HPSE2: variants seen among roughly 807,000 people sequenced by gnomAD.
The protein encoded by HPSE2 is inactive heparanase-2.
HPSE2 carries 38 observed loss-of-function variants against 60.5 expected under a neutral mutation model. The observed-to-expected ratio is 0.63, with a 90% CI of 0.48 to 0.82. The LOEUF is 0.82. Ranked by LOEUF, HPSE2 falls within the 40% of genes least tolerant of loss-of-function variation. HPSE2 has a pLI of 0.00. For synonymous variants in HPSE2, 295 were observed against 293.2 expected (o/e 1.01, Z -0.06); for missense variants, 713 against 740.4 (o/e 0.96, Z 0.43).
At chr10:98,964,585 C>T (rs904133916) in intron 3 of HPSE2, among the ~76,000 whole-genome samples, 14 of 152,054 alleles carry the variant, frequency 9.2e-5, no homozygotes, top group African/African-American at 3.4e-4. Flanking sequence ...CAAGTACCTC[C>T]TCCCACTCCT....
At chr10:98,656,792 G>A (rs914074065) in intron 6 of HPSE2, among the ~76,000 whole-genome samples, 21 of 140,538 alleles carry the variant, frequency 1.5e-4, no homozygotes, top group African/African-American at 4.0e-4. Flanking sequence ...ATGGAGTTTC[G>A]CTCCTGTTGC....
chr10:99,244,492 T>C, the HPSE2 span, among the ~76,000 whole-genome samples: 1 of 149,456 alleles, frequency 6.7e-6, no homozygotes, highest in Non-Finnish European at 1.5e-5. Flanking sequence ...CTGCAGTCTC[T>C]ACTTCCTAAA....
intron 3 of HPSE2, among the ~76,000 whole-genome samples, chr10:99,073,303 G>A (rs529211412): frequency 1.3e-5 from 2 of 152,242 alleles, no homozygotes; most frequent in East Asian, 3.9e-4. Flanking sequence ...CCATAAAAAG[G>A]AACAAGATCA....
chr10:98,789,571 G>T (rs1950612095), intron 3 of HPSE2, among the ~76,000 whole-genome samples: 1 of 152,182 alleles, frequency 6.6e-6, no homozygotes, highest in African/African-American at 2.4e-5. Context: ...CAAATAGTTG[G>T]ACCTTTATAG....
At chr10:99,204,794 A>G (rs1011432806) in intron 2 of HPSE2, among the ~76,000 whole-genome samples, 1 of 152,262 alleles carries the variant, frequency 6.6e-6, no homozygotes, top group Non-Finnish European at 1.5e-5. Context: ...GAAATATTTA[A>G]AAAAAGAAAA....
the HPSE2 span, among the ~76,000 whole-genome samples, chr10:99,246,721 T>C: frequency 6.8e-6 from 1 of 147,180 alleles, no homozygotes; most frequent in African/African-American, 2.5e-5. Flanking sequence ...CACTCCAGCC[T>C]GGCAACAGAG....
At chr10:99,119,489 T>A (rs1022381774) in intron 3 of HPSE2, among the ~76,000 whole-genome samples, 1 of 152,168 alleles carries the variant, frequency 6.6e-6, no homozygotes, top group Non-Finnish European at 1.5e-5. Flanking sequence ...ACAGGAAGAA[T>A]CAATTTTGTT....
chr10:98,805,560 A>G (rs1446127177), intron 3 of HPSE2, among the ~76,000 whole-genome samples: 1 of 152,168 alleles, frequency 6.6e-6, no homozygotes, highest in Non-Finnish European at 1.5e-5. Flanking sequence ...CCACAAAAAT[A>G]AAAAGATTAA....
upstream of HPSE2, among the ~76,000 whole-genome samples, chr10:99,239,327 G>A (rs17094130): frequency 0.5 from 74,998 of 151,078 alleles, 21,707 homozygotes; most frequent in Non-Finnish European, 0.64. Flanking sequence ...GTAAGAAAAC[G>A]TGAAGATTAA....
intron 3 of HPSE2, among the ~76,000 whole-genome samples, chr10:99,109,524 G>A (rs997174551): frequency 7.2e-5 from 11 of 152,048 alleles, no homozygotes; most frequent in African/African-American, 2.4e-4. Context: ...GGTCAACTCC[G>A]AGAAAGGAAT....
chr10:98,674,131 A>C (rs2134118803), intron 6 of HPSE2, among the ~76,000 whole-genome samples: 1 of 152,324 alleles, frequency 6.6e-6, no homozygotes, highest in African/African-American at 2.4e-5. Context: ...AGAAGCTACA[A>C]CAATATTTGG....
chr10:98,694,017 T>TA (rs2134170647), intron 5 of HPSE2, 70 bp from the exon 6 acceptor site: 1 of 1,233,858 alleles, frequency 8.1e-7, no homozygotes, highest in South Asian at 1.2e-5. Flanking sequence ...CAAAAGGAAA[T>TA]AAACTGAGAC....
chr10:99,292,745 A>T, the HPSE2 span, among the ~76,000 whole-genome samples: 4 of 152,166 alleles, frequency 2.6e-5, no homozygotes, highest in African/African-American at 9.7e-5. Flanking sequence ...TACATTTTAC[A>T]TTCTTTTTTT....
At chr10:98,643,072 C>T (rs1946678784) in intron 6 of HPSE2, among the ~76,000 whole-genome samples, 1 of 152,190 alleles carries the variant, frequency 6.6e-6, no homozygotes, top group African/African-American at 2.4e-5. Flanking sequence ...CTCAGCTTTC[C>T]TTTTGGCCTC....
chr10:98,718,527 A>G (rs1308948267), intron 5 of HPSE2, among the ~76,000 whole-genome samples: 1 of 152,188 alleles, frequency 6.6e-6, no homozygotes, highest in Non-Finnish European at 1.5e-5. Flanking sequence ...TAGTCAAGAT[A>G]TGGAATCAAC....
intron 3 of HPSE2, among the ~76,000 whole-genome samples, chr10:98,819,633 T>C (rs1268996): frequency 0.86 from 130,667 of 152,186 alleles, 56,480 homozygotes; most frequent in African/African-American, 0.95. Context: ...AATGAAAATG[T>C]TGACAGTTTA....
At chr10:99,113,449 TATATC>T (rs1214131913) in intron 3 of HPSE2, among the ~76,000 whole-genome samples, 1 of 152,200 alleles carries the variant, frequency 6.6e-6, no homozygotes, top group Non-Finnish European at 1.5e-5. Context: ...TTTTTGAACA[TATATC>T]ATTCATATAT....
At position 98,744,045 on chromosome 10, in the gene HPSE2, C is replaced by G. The variant is rs1949566840; in HGVS notation, c.622G>C (p.Asp208His). ...CAATCAGCAAAGTTATAAAGTTTGT[C>G]TAGAGACCTGGCTGGGAAGAAGCAG... Reference protein sequence around the residue: ...SNLILTARSLDKLYNFADCSG... With the variant: ...SNLILTARSLHKLYNFADCSG... The change falls in exon 4 of 12, where the codon GAC (aspartate) becomes CAC (histidine). Residue 208 changes from aspartate (D) to histidine (H), a missense_variant. By Grantham distance (81) the Asp-to-His change is moderately conservative (BLOSUM62 -1). Transcript: ENST00000370552. The G allele has an allele frequency of 2.5e-6, 4 of 1,614,032 alleles. No homozygotes were observed. Among genetic ancestry groups the G allele is most frequent in the Non-Finnish European group, 3.4e-6 (4 of 1,179,976 alleles).
At chr10:98,897,307 A>G (rs111758149) in intron 3 of HPSE2, among the ~76,000 whole-genome samples, 13 of 152,168 alleles carry the variant, frequency 8.5e-5, no homozygotes, top group Non-Finnish European at 2.9e-5. Flanking sequence ...GTAACCAAAA[A>G]CCAACTGTTG....
Sources: allele counts gnomAD v4.1 joint callset (sites outside exome capture counted in the v4.1 genomes callset), GRCh38; gene constraint gnomAD v4.1.1; transcripts MANE v1.5; gene names NCBI Gene and HGNC (gene_info 2026-07-23, HGNC 2026-07-21).